The following DTNA variants were observed in gnomAD, a reference collection of about 807,000 sequenced individuals.
DTNA encodes the protein dystrophin-related protein 3.
DTNA carries 43 observed loss-of-function variants against 100.7 expected under a neutral mutation model. That is an observed-to-expected ratio of 0.43 (90% CI 0.33 to 0.55). The LOEUF is 0.55. Among genes scored for constraint, DTNA ranks in the 20% least tolerant of loss-of-function variants. The probability of loss-of-function intolerance (pLI) is 0.04; values close to 1 mark genes in which losing one functional copy is unlikely to be tolerated. For synonymous variants in DTNA, 349 were observed against 347.9 expected (o/e 1.00, Z -0.04); for missense variants, 798 against 953.9 (o/e 0.84, Z 2.15).
chr18:34,850,251 CA>C (rs1432180085), intron 14 of DTNA, among the ~76,000 whole-genome samples: 1 of 152,104 alleles, frequency 6.6e-6, no homozygotes, highest in Non-Finnish European at 1.5e-5. Context: ...ATATACATAG[CA>C]AAGCAATGAC....
At chr18:34,579,303 A>G (rs1256824463) in intron 1 of DTNA, among the ~76,000 whole-genome samples, 1 of 152,188 alleles carries the variant, frequency 6.6e-6, no homozygotes, top group Non-Finnish European at 1.5e-5. Flanking sequence ...ATAGGTAGGT[A>G]GATGATGATA....
chr18:34,708,659 A>C (rs1424072983), upstream of DTNA, among the ~76,000 whole-genome samples: 1 of 152,212 alleles, frequency 6.6e-6, no homozygotes, highest in East Asian at 1.9e-4. Context: ...ATGTAAACCT[A>C]TGTTAGGAAA....
chr18:34,506,911 C>T (rs2040548950), intron 1 of DTNA, among the ~76,000 whole-genome samples: 1 of 152,034 alleles, frequency 6.6e-6, no homozygotes, highest in African/African-American at 2.4e-5. Context: ...AGCAAAAGCC[C>T]AATCTATATG....
chr18:34,844,837 C>T (rs141318210), intron 13 of DTNA, among the ~76,000 whole-genome samples: 8 of 152,234 alleles, frequency 5.3e-5, no homozygotes, highest in African/African-American at 1.7e-4. Flanking sequence ...TGCTAAATCA[C>T]ACTTTCATAA....
intron 13 of DTNA, among the ~76,000 whole-genome samples, chr18:34,847,101 T>A (rs1259071141): frequency 2.6e-5 from 4 of 152,168 alleles, no homozygotes; most frequent in Non-Finnish European, 5.9e-5. Flanking sequence ...ACAAGATTAG[T>A]GCTATTGGTA....
chr18:34,773,667 G>T (rs1238964438), intron 3 of DTNA, among the ~76,000 whole-genome samples: 2 of 152,186 alleles, frequency 1.3e-5, no homozygotes, highest in African/African-American at 2.4e-5. Context: ...GGGAAAGTTG[G>T]TGGTGGCAGT....
chr18:34,697,885 A>G (rs2080810698), intron 1 of DTNA, among the ~76,000 whole-genome samples: 2 of 152,318 alleles, frequency 1.3e-5, no homozygotes, highest in African/African-American at 4.8e-5. Flanking sequence ...TGGTGATCAC[A>G]AAACAGGAAG....
chr18:34,657,162 C>T (rs931832434), intron 1 of DTNA, among the ~76,000 whole-genome samples: 1 of 152,192 alleles, frequency 6.6e-6, no homozygotes, highest in African/African-American at 2.4e-5. Context: ...AGGCATGAGC[C>T]ACTGCACCTG....
chr18:34,785,547 C>T (rs911001668), intron 3 of DTNA, among the ~76,000 whole-genome samples: 5 of 152,126 alleles, frequency 3.3e-5, no homozygotes, highest in Non-Finnish European at 7.4e-5. Flanking sequence ...TTCCTCAGAA[C>T]TCTATCAGAA....
At chr18:34,566,636 C>A (rs1370303274) in intron 1 of DTNA, among the ~76,000 whole-genome samples, 2 of 152,150 alleles carry the variant, frequency 1.3e-5, no homozygotes, top group Non-Finnish European at 2.9e-5. Flanking sequence ...CTACTTGTAA[C>A]CTCTCTTCTC....
chr18:34,622,124 G>C (rs773152563), intron 1 of DTNA, among the ~76,000 whole-genome samples: 3 of 152,172 alleles, frequency 2.0e-5, no homozygotes, highest in Non-Finnish European at 4.4e-5. Context: ...AAATTGCTAA[G>C]AGAGTAAATC....
intron 2 of DTNA, among the ~76,000 whole-genome samples, chr18:34,758,957 C>T (rs2092960759): frequency 6.6e-6 from 1 of 152,012 alleles, no homozygotes; most frequent in African/African-American, 2.4e-5. Context: ...CTATAAGCAG[C>T]AGAAGCAGGA....
chr18:34,812,221 G>A lies in DTNA; in HGVS notation c.603+108G>A, dbSNP rs772571827. ...CTCAGACAAATTATTCTGTGTGATA[G>A]CAACCTGTATTGTATTTTTCAGCCT... On this transcript the variant is annotated intron_variant, in intron 6 of 22. Transcript: ENST00000444659. The A allele has an allele frequency of 2.2e-5, 32 of 1,488,308 alleles. No homozygotes were observed. The South Asian group carries it at 3.8e-4, about 17-fold the overall frequency. 92.2% of individuals were successfully genotyped at this position (1,488,308 alleles called of 1,614,324 possible). A position where few individuals can be genotyped will look rare whatever the true frequency, so the allele number is the denominator to read the frequency against.
chr18:34,742,642 CTAGA>C (rs1270945936), intron 1 of DTNA, among the ~76,000 whole-genome samples: 1 of 152,112 alleles, frequency 6.6e-6, no homozygotes, highest in Non-Finnish European at 1.5e-5. Context: ...TATTATCTAT[CTAGA>C]TAGATAGATA....
chr18:34,768,260 G>A (rs1031834443), intron 3 of DTNA, among the ~76,000 whole-genome samples: 3 of 151,992 alleles, frequency 2.0e-5, no homozygotes, highest in African/African-American at 7.3e-5. Flanking sequence ...TTTCAGGAGA[G>A]CTAGAGATTT....
intron 1 of DTNA, among the ~76,000 whole-genome samples, chr18:34,517,460 C>CATGTGTGTGTGTGTGT (rs57616989): frequency 0.016 from 2,346 of 148,958 alleles, 34 homozygotes; most frequent in Non-Finnish European, 0.02. Context: ...TTTATATACA[C>CATGTGTGTGTGTGTGT]GTGTGTGTGT....
At chr18:34,887,736 TAA>T in intron 22 of DTNA, 28 bp from the exon 23 acceptor site, 3 of 985,198 alleles carry the variant, frequency 3.0e-6, no homozygotes, top group Non-Finnish European at 3.6e-6. Flanking sequence ...TTTGCATCTT[TAA>T]AAAAAATTAC....
intron 1 of DTNA, among the ~76,000 whole-genome samples, chr18:34,542,302 C>A (rs7239691): frequency 0.022 from 3,342 of 152,056 alleles, 101 homozygotes; most frequent in African/African-American, 0.075. Context: ...CCATTCAGAA[C>A]AACAGTCCAA....
At chr18:34,729,712 C>A (rs2087622197) in intron 1 of DTNA, among the ~76,000 whole-genome samples, 1 of 151,970 alleles carries the variant, frequency 6.6e-6, no homozygotes, top group South Asian at 2.1e-4. Context: ...CTCAAAGATA[C>A]AAAAGTAAAC....
Sources: allele counts gnomAD v4.1 joint callset (sites outside exome capture counted in the v4.1 genomes callset), GRCh38; gene constraint gnomAD v4.1.1; transcripts MANE v1.5; gene names NCBI Gene and HGNC (gene_info 2026-07-23, HGNC 2026-07-21).